NRP2: variants seen among roughly 807,000 people sequenced by gnomAD.
The protein encoded by NRP2 is neuropilin 2, also known as neuropilin-2.
In NRP2, 52 loss-of-function variants were observed where a neutral mutation model predicts 110.4. The observed-to-expected ratio is 0.47, with a 90% confidence interval of 0.38 to 0.59. The LOEUF (loss-of-function observed/expected upper bound fraction) is 0.59, where lower values mean the gene tolerates loss of function less well. Among genes scored for constraint, NRP2 ranks in the 20% least tolerant of loss-of-function variants. The pLI is 0.00. For missense variants in NRP2, 1,049 were observed against 1,203.0 expected (o/e 0.87, Z 1.89); for synonymous variants, 508 against 468.9 (o/e 1.08, Z -1.08).
intron 1 of NRP2, among the ~76,000 whole-genome samples, chr2:205,689,130 CA>C (rs1458225109): frequency 1.3e-5 from 2 of 152,308 alleles, no homozygotes; most frequent in East Asian, 1.9e-4. Context: ...GGTTTTCAAA[CA>C]GGCAAAATAT....
Position 205,709,634 on chromosome 2 carries a change from T to A in NRP2, c.252-6559T>A, listed in dbSNP as rs1289956965. ...AGGTTACACAACACCCTCTTAGGTA[T>A]GTTTCCGTTAACAGTAATTTAACGT... is the stretch of plus-strand genomic sequence containing the variant. On this transcript the variant is annotated intron_variant, in intron 2 of 16. Coordinates refer to ENST00000357785, the MANE Select transcript of NRP2 (RefSeq NM_003872.3). Among the ~76,000 whole-genome samples the A allele has an allele frequency of 2.0e-5, 3 of 152,254 alleles. No homozygotes were observed. The East Asian group carries it at 5.8e-4, about 29-fold the overall frequency.
intron 15 of NRP2, among the ~76,000 whole-genome samples, chr2:205,783,867 G>C (rs1330257011): frequency 6.6e-6 from 1 of 152,182 alleles, no homozygotes; most frequent in Non-Finnish European, 1.5e-5. Flanking sequence ...TGGCTATATA[G>C]GTCCAGTGTG....
chr2:205,741,098 C>A (rs188490482), intron 8 of NRP2, among the ~76,000 whole-genome samples: 1 of 152,214 alleles, frequency 6.6e-6, no homozygotes, highest in African/African-American at 2.4e-5. Flanking sequence ...GCTGCCTCAA[C>A]CGGGGGCCAA....
At chr2:205,759,105 G>A (rs770114080) in intron 12 of NRP2, among the ~76,000 whole-genome samples, 2 of 152,172 alleles carry the variant, frequency 1.3e-5, no homozygotes, top group Non-Finnish European at 1.5e-5. Context: ...AAGAGCTGAA[G>A]CATTTATAAT....
Position 205,715,609 on chromosome 2 carries a change from A to C in NRP2, c.252-584A>C, listed in dbSNP as rs567068830. Among the ~76,000 whole-genome samples the C allele has an allele frequency of 2.6e-5, 4 of 152,330 alleles. No homozygotes were observed. The South Asian group carries it at 8.3e-4, about 32-fold the overall frequency. Reference sequence around the variant, plus strand: ...AGTCTTTGTCACTAACAATTAAAGAAGGGATGGCCCAGGGGAAAATTGAAA... The same window carrying C: ...AGTCTTTGTCACTAACAATTAAAGACGGGATGGCCCAGGGGAAAATTGAAA... On this transcript the variant is annotated intron_variant, in intron 2 of 16. Coordinates refer to ENST00000357785, the MANE Select transcript of NRP2 (RefSeq NM_003872.3).
intron 2 of NRP2, among the ~76,000 whole-genome samples, chr2:205,709,620 C>T (rs1391047781): frequency 6.6e-6 from 1 of 152,250 alleles, no homozygotes; most frequent in Non-Finnish European, 1.5e-5. Context: ...GGTTACACAA[C>T]ACCCTCTTAG....
At chr2:205,705,065 T>A (rs924473802) in intron 2 of NRP2, among the ~76,000 whole-genome samples, 4 of 152,176 alleles carry the variant, frequency 2.6e-5, no homozygotes, top group African/African-American at 7.2e-5. Context: ...TAGAAAAAAA[T>A]TTATATTCTT....
chr2:205,713,607 C>T (rs1575574099), intron 2 of NRP2, among the ~76,000 whole-genome samples: 1 of 152,284 alleles, frequency 6.6e-6, no homozygotes, highest in South Asian at 2.1e-4. Context: ...TTAAAACATA[C>T]TTTTAAAAAA....
intron 15 of NRP2, among the ~76,000 whole-genome samples, chr2:205,784,939 G>A (rs1353996148): frequency 1.3e-5 from 2 of 152,150 alleles, no homozygotes; most frequent in Non-Finnish European, 2.9e-5. Context: ...TAGTAATTAC[G>A]GTCCTTGGCC....
Position 205,763,746 on chromosome 2 carries a change from C to T in NRP2, c.2117C>T (p.Pro706Leu), listed in dbSNP as rs368956804. Residue 706 changes from proline to leucine, a missense_variant, in exon 13 of 17, where the codon CCT becomes CTT. By Grantham distance (98) the Pro-to-Leu change is moderately conservative. Transcript: ENST00000357785. The surrounding 1 kb of genome is among the most constrained non-coding windows in gnomAD (Gnocchi z 4.0). ...EGQYARLISP[P>L]VHLPRSPVCM... ...CAGTATGCCCGGCTCATCAGCCCCC[C>T]TGTCCACCTGCCCCGAAGCCCGGTG... The T allele has an allele frequency of 6.8e-6, 11 of 1,614,234 alleles. No homozygotes were observed. The highest frequency in any genetic ancestry group is 4.5e-5 in the East Asian group (2 of 44,878).
At chr2:205,772,377 C>T (rs1474945864) in intron 15 of NRP2, among the ~76,000 whole-genome samples, 1 of 152,198 alleles carries the variant, frequency 6.6e-6, no homozygotes, top group Non-Finnish European at 1.5e-5. Context: ...GTTTCTCAAA[C>T]TTTATTGTTT....
At chr2:205,745,953 C>T (rs79521686) in intron 10 of NRP2, 63 bp downstream of exon 10, 31,638 of 1,595,460 alleles carry the variant, frequency 0.02, 412 homozygotes, top group Non-Finnish European at 0.024. Flanking sequence ...TGGCATCCCA[C>T]GAGGCCCTGG....
rs1408483287 is a variant in NRP2, at chr2:205,743,141, G to T, written c.1292-62G>T. The T allele has an allele frequency of 4.4e-6, 7 of 1,600,924 alleles. No homozygotes were observed. In the East Asian group the frequency reaches 8.9e-5, roughly 20 times the overall value. ...TCTTTTGCAGCTCCCTTCTTATAGC[G>T]GGTGGTCCCTGGTTAGCAGGTGTCA... On this transcript the variant is annotated intron_variant, in intron 8 of 16. Coordinates refer to ENST00000357785, the MANE Select transcript of NRP2 (RefSeq NM_003872.3).
chr2:205,791,460 TCTGATTTCTATAAGTTGGAC>T (rs2105974952), intron 15 of NRP2, among the ~76,000 whole-genome samples: 1 of 152,364 alleles, frequency 6.6e-6, no homozygotes, highest in South Asian at 2.1e-4. Context: ...TTTCAGTGGT[TCTGATTTCTATAAGTTGGAC>T]AGCACAGTGA....
intron 9 of NRP2, among the ~76,000 whole-genome samples, chr2:205,744,083 G>A (rs531807472): frequency 7.2e-5 from 11 of 152,218 alleles, no homozygotes; most frequent in South Asian, 4.1e-4. Context: ...GTGCAAAGTA[G>A]ATCTTTTTGT....
chr2:205,795,115 A>G lies in NRP2; in HGVS notation c.*57A>G. The G allele has an allele frequency of 6.6e-7, 1 of 1,515,836 alleles. No individual in the cohort carries two copies. Among genetic ancestry groups the G allele is most frequent in the Non-Finnish European group, 9.1e-7 (1 of 1,102,972 alleles). The allele number at this position is 1,515,836 out of a possible 1,614,324, so 93.9% of individuals were successfully genotyped here. ...ATTCCAGCAAGAGGGGCTGGGGAAG[A>G]TTACATTTTTTTTTCCTTTGGAAAC... On this transcript the variant is annotated 3_prime_UTR_variant, in exon 17 of 17. Transcript: ENST00000357785.
chr2:205,711,167 C>G (rs1159420063), intron 2 of NRP2, among the ~76,000 whole-genome samples: 7 of 152,172 alleles, frequency 4.6e-5, no homozygotes, highest in Non-Finnish European at 1.0e-4. Flanking sequence ...GGAACACCAG[C>G]CTGAAGTCCC....
chr2:205,743,228 G>T lies in NRP2; in HGVS notation c.1317G>T (p.Gly439=). The T allele has an allele frequency of 1.2e-6, 2 of 1,613,444 alleles. No individual in the cohort carries two copies. The highest frequency in any genetic ancestry group is 4.5e-5 in the East Asian group (2 of 44,888). ...VTDAPCSNML[G]MLSGLIADSQ... ...ATGCTCCCTGCTCCAACATGCTGGG[G>T]ATGCTCTCAGGCCTCATTGCAGACT... Residue 439 remains glycine (G), a synonymous_variant, in exon 9 of 17, where the codon GGG becomes GGT. Transcript: ENST00000357785.
chr2:205,789,774 G>A (rs2058277826), intron 15 of NRP2, among the ~76,000 whole-genome samples: 1 of 152,130 alleles, frequency 6.6e-6, no homozygotes, highest in Admixed American at 6.5e-5. Context: ...ATTCCTTCCT[G>A]CTGGCCTCCT....
Sources: gnomAD v4.1 joint callset for allele counts (sites outside exome capture counted in the v4.1 genomes callset) on GRCh38, gnomAD v4.1.1 for gene constraint, Gnocchi (gnomAD v3.1) non-coding constraint, MANE v1.5 for transcripts, NCBI Gene and HGNC (gene_info 2026-07-23, HGNC 2026-07-21) for gene names.